Variants in SDK1 observed in about 807,000 individuals in gnomAD.
The protein encoded by SDK1 is protein sidekick-1.
A neutral mutation model predicts 245.5 loss-of-function variants in SDK1; 157 were observed. That is an observed-to-expected ratio of 0.64 (90% CI 0.56 to 0.73). The LOEUF (loss-of-function observed/expected upper bound fraction) is 0.73, where lower values mean the gene tolerates loss of function less well. Among genes scored for constraint, SDK1 ranks in the 30% least tolerant of loss-of-function variants. The pLI is 0.00. For synonymous variants in SDK1, 1,647 were observed against 1,278.5 expected, an observed-to-expected ratio of 1.29 and a Z score of -6.15; for missense variants, 3,583 against 3,002.3, an observed-to-expected ratio of 1.19 and a Z score of -4.52.
At chr7:3,358,886 G>C (rs12530858) in intron 1 of SDK1, among the ~76,000 whole-genome samples, 39,216 of 152,098 alleles carry the variant, frequency 0.26, 5,322 homozygotes, top group East Asian at 0.38. Flanking sequence ...TTAAATGATT[G>C]TTATGGGTAG....
At chr7:3,740,832 T>C (rs10266535) in intron 4 of SDK1, among the ~76,000 whole-genome samples, 9,936 of 152,288 alleles carry the variant, frequency 0.065, 1,089 homozygotes, top group African/African-American at 0.23. Context: ...TTTGTCCATG[T>C]TCTCATTGAT....
intron 1 of SDK1, among the ~76,000 whole-genome samples, chr7:3,505,611 T>G (rs980110312): frequency 6.6e-6 from 1 of 152,216 alleles, no homozygotes; most frequent in Admixed American, 6.5e-5. Context: ...TAGTATATAG[T>G]TGGCCCTTGA....
In SDK1 at chr7:3,987,613, G is replaced by T. The variant is rs148737983; in HGVS notation, c.2131+291G>T. Among the ~76,000 whole-genome samples the T allele has an allele frequency of 7.2e-5, 11 of 152,296 alleles. No individual in the cohort carries two copies. In the East Asian group the frequency reaches 2.1e-3, roughly 29 times the overall value. ...TGCCCCGCACAGTGTCACTCCCAGG[G>T]CGAGCTGGAAATGGGTTAACAATGC... is the stretch of plus-strand genomic sequence containing the variant. On this transcript the variant is annotated intron_variant, in intron 14 of 44. Transcript: ENST00000404826.
intron 38 of SDK1, among the ~76,000 whole-genome samples, chr7:4,215,950 C>T (rs186121631): frequency 1.3e-3 from 203 of 152,310 alleles, no homozygotes; most frequent in African/African-American, 4.7e-3. Flanking sequence ...CCTGCCCAGC[C>T]TCACACAGGG....
chr7:4,152,866 C>G (rs909710009), intron 30 of SDK1, among the ~76,000 whole-genome samples: 1 of 152,140 alleles, frequency 6.6e-6, no homozygotes, highest in Admixed American at 6.5e-5. Flanking sequence ...GAATATGGGT[C>G]GAGACCCCCA....
chr7:3,554,900 A>C (rs1031708015), intron 1 of SDK1, among the ~76,000 whole-genome samples: 5 of 152,200 alleles, frequency 3.3e-5, no homozygotes, highest in African/African-American at 1.2e-4. Flanking sequence ...CCTGTAAGGA[A>C]AACTATAAAA....
At chr7:3,318,059 A>G (rs1779706342) in intron 1 of SDK1, among the ~76,000 whole-genome samples, 1 of 152,168 alleles carries the variant, frequency 6.6e-6, no homozygotes, top group Non-Finnish European at 1.5e-5. Context: ...CTGATATTTT[A>G]TGCATATACA....
Position 3,619,611 on chromosome 7 carries a change from T to C in SDK1, c.458+372T>C, listed in dbSNP as rs574093211. Among the ~76,000 whole-genome samples, 6 of 152,320 alleles carry C rather than the reference T, an allele frequency of 3.9e-5. No individual in the cohort carries two copies. The South Asian group carries it at 1.2e-3, about 32-fold the overall frequency. On this transcript the variant is annotated intron_variant, in intron 2 of 44. Transcript: ENST00000404826. ...AGGCACAAATGTTTAAACAGATCTT[T>C]AGTATGGTAGCTTCTGGAGCTCTGA...
At chr7:3,538,198 C>T (rs3946225) in intron 1 of SDK1, among the ~76,000 whole-genome samples, 3 of 152,148 alleles carry the variant, frequency 2.0e-5, no homozygotes, top group Non-Finnish European at 2.9e-5. Context: ...TTGGCAATTA[C>T]ATTGGCCATT....
intron 1 of SDK1, among the ~76,000 whole-genome samples, chr7:3,406,978 C>T (rs1480093823): frequency 7.9e-6 from 1 of 126,128 alleles, no homozygotes; most frequent in South Asian, 2.5e-4. Flanking sequence ...ATTGAATAAA[C>T]TAGAGTGGAT....
chr7:3,499,706 C>T (rs555487245), intron 1 of SDK1, among the ~76,000 whole-genome samples: 4 of 152,260 alleles, frequency 2.6e-5, no homozygotes, highest in South Asian at 2.1e-4. Flanking sequence ...AGAAGAGAAA[C>T]GGAGCTGAGT....
intron 1 of SDK1, among the ~76,000 whole-genome samples, chr7:3,516,384 A>G (rs1202743026): frequency 1.3e-5 from 2 of 152,090 alleles, no homozygotes; most frequent in Non-Finnish European, 2.9e-5. Context: ...GATGCTTTTC[A>G]TATTCTTTTA....
intron 1 of SDK1, among the ~76,000 whole-genome samples, chr7:3,409,894 G>T (rs1002514129): frequency 1.3e-5 from 2 of 151,770 alleles, no homozygotes; most frequent in African/African-American, 4.8e-5. Flanking sequence ...ATTTGATGAG[G>T]TGTATATTTG....
chr7:3,883,465 G>T (rs1205743923), intron 5 of SDK1, among the ~76,000 whole-genome samples: 1 of 152,176 alleles, frequency 6.6e-6, no homozygotes, highest in Non-Finnish European at 1.5e-5. Context: ...GTGTGTATGT[G>T]TGCGGCCCTT....
chr7:4,248,983 T>C (rs1161332833), intron 44 of SDK1, among the ~76,000 whole-genome samples: 1 of 146,818 alleles, frequency 6.8e-6, no homozygotes, highest in African/African-American at 2.7e-5. Flanking sequence ...CATATGTACA[T>C]ACATGCACAA....
At chr7:4,189,504 G>A (rs1006083016) in intron 35 of SDK1, among the ~76,000 whole-genome samples, 3 of 152,058 alleles carry the variant, frequency 2.0e-5, no homozygotes, top group South Asian at 2.1e-4. Flanking sequence ...CTTTAGCCCC[G>A]CAACTTTCAC....
chr7:3,781,776 A>G (rs1057150177), intron 4 of SDK1, among the ~76,000 whole-genome samples: 6 of 152,346 alleles, frequency 3.9e-5, no homozygotes, highest in South Asian at 2.1e-4. Context: ...GCTGAGTTGA[A>G]AAATTCAATA....
chr7:3,502,868 C>A (rs747960054), intron 1 of SDK1, among the ~76,000 whole-genome samples: 1 of 152,060 alleles, frequency 6.6e-6, no homozygotes, highest in South Asian at 2.1e-4. Context: ...TTTTCTTGTT[C>A]TGTAACATAC....
At position 3,838,914 on chromosome 7, in the gene SDK1, A is replaced by G. The variant is rs553887734; in HGVS notation, c.847+17331A>G. Among the ~76,000 whole-genome samples the G allele has an allele frequency of 6.6e-5, 10 of 152,302 alleles. No individual in the cohort carries two copies. The South Asian group carries it at 1.7e-3, about 25-fold the overall frequency. On this transcript the variant is annotated intron_variant, in intron 5 of 44. Coordinates refer to ENST00000404826, the MANE Select transcript of SDK1 (RefSeq NM_152744.4). ...GAGAGTGTCTCTGACTGCCCCATCA[A>G]GTTATTGATGTTACCTATCTGCTCG...
Sources: gnomAD v4.1 joint callset for allele counts (sites outside exome capture counted in the v4.1 genomes callset) on GRCh38, gnomAD v4.1.1 for gene constraint, MANE v1.5 for transcripts, NCBI Gene and HGNC (gene_info 2026-07-23, HGNC 2026-07-21) for gene names.